The following FHL1 variants were observed in gnomAD, a reference collection of about 807,000 sequenced individuals.
FHL1 encodes four and a half LIM domains 1.
Under a neutral mutation model 20.3 loss-of-function variants are expected in FHL1, and 1 was observed. That is an observed-to-expected ratio of 0.05 (90% CI 0.02 to 0.23). The LOEUF (loss-of-function observed/expected upper bound fraction) is 0.23. FHL1 is among the 10% of genes least tolerant of loss of function. The pLI, the probability that FHL1 is intolerant of heterozygous loss-of-function variation, is 1.00. For synonymous variants in FHL1, 82 were observed against 88.9 expected, an observed-to-expected ratio of 0.92 and a Z score of 0.44; for missense variants, 177 against 234.0, an observed-to-expected ratio of 0.76 and a Z score of 1.59.
chrX:136,197,426 G>A (rs942530608), intron 1 of FHL1, among the ~76,000 whole-genome samples: 2 of 111,721 alleles, frequency 1.8e-5, no homozygotes, highest in Admixed American at 1.9e-4. Context: ...AGAGATTGTG[G>A]GAGGAAAGGT....
chrX:136,191,147 A>G (rs1278572631), intron 2 of FHL1, among the ~76,000 whole-genome samples: 3 of 111,808 alleles, frequency 2.7e-5, no homozygotes, highest in African/African-American at 9.8e-5. Flanking sequence ...TTCACAAAAC[A>G]GTGCCTGTCC....
intron 5 of FHL1, chrX:136,209,548 C>A: frequency 1.2e-6 from 1 of 836,047 alleles, no homozygotes. Flanking sequence ...GAGGTCGGTG[C>A]GCGTCACAGG....
intron 2 of FHL1, among the ~76,000 whole-genome samples, chrX:136,171,605 C>A (rs1266150671): frequency 8.9e-6 from 1 of 112,588 alleles, no homozygotes; most frequent in Non-Finnish European, 1.9e-5. Context: ...TTAGTAATTC[C>A]ATAGCAATCT....
chrX:136,209,732 G>A, intron 5 of FHL1, 139 bp from the exon 6 acceptor site: 1 of 716,747 alleles, frequency 1.4e-6, no homozygotes, highest in Non-Finnish European at 2.1e-6. Flanking sequence ...TGGGAGCCAG[G>A]CAGACCTGGC....
intron 2 of FHL1, among the ~76,000 whole-genome samples, chrX:136,187,746 T>C (rs1278201700): frequency 8.9e-6 from 1 of 111,804 alleles, no homozygotes; most frequent in African/African-American, 3.3e-5. Context: ...AGGATTTCTT[T>C]GGGGGTGATG....
intron 1 of FHL1, among the ~76,000 whole-genome samples, chrX:136,160,470 A>G (rs2072536784): frequency 9.0e-6 from 1 of 111,505 alleles, no homozygotes. Context: ...GCTCTGTCAC[A>G]CAGGCTGGAA....
rs1556630646 is a variant in FHL1 at position 136,147,620 on chromosome X, C to A, written c.-109C>A. 4.6e-5 allele frequency: 5 copies of A among 108,448 alleles called. No individual in the cohort carries two copies. Among genetic ancestry groups the A allele is most frequent in the Admixed American group, 3.9e-4 (4 of 10,373 alleles). The allele number at this position is 108,448 out of a possible 1,213,427, so 8.9% of individuals were successfully genotyped here. On this transcript the variant is annotated 5_prime_UTR_variant, in exon 1 of 8. Transcript: ENST00000394155. ...CCGAGACAGCTGCGCGGGCGAGCAT[C>A]CCCACGCAGTAAGCCCGCTTTCTTT...
chrX:136,159,138 T>TAAAAAAA (rs112840298), intron 1 of FHL1, among the ~76,000 whole-genome samples: 1 of 92,665 alleles, frequency 1.1e-5, no homozygotes, highest in African/African-American at 4.0e-5. Context: ...CTAAAACTGC[T>TAAAAAAA]AAAAAAAAAA....
At chrX:136,150,855 T>C (rs2072246946) in intron 1 of FHL1, among the ~76,000 whole-genome samples, 1 of 112,242 alleles carries the variant, frequency 8.9e-6, no homozygotes, top group Admixed American at 9.5e-5. Context: ...AAAGATTTCT[T>C]GATGTTTACA....
intron 3 of FHL1, chrX:136,207,498 C>T: frequency 2.3e-6 from 1 of 426,956 alleles, no homozygotes; most frequent in Non-Finnish European, 4.1e-6. Flanking sequence ...GGGTGTCATT[C>T]TGGGCCAGGC....
intron 2 of FHL1, among the ~76,000 whole-genome samples, chrX:136,171,699 A>T (rs1211905457): frequency 8.9e-6 from 1 of 111,799 alleles, no homozygotes; most frequent in Non-Finnish European, 1.9e-5. Context: ...GAACATTTAA[A>T]TCGAAGTTTT....
chrX:136,201,346 C>T (rs769645681), intron 1 of FHL1, among the ~76,000 whole-genome samples: 18 of 111,776 alleles, frequency 1.6e-4, no homozygotes, highest in Non-Finnish European at 1.5e-4. Context: ...GTGGGCTGTC[C>T]GCATGCCCAG....
At chrX:136,189,469 C>G (rs1372165989) in intron 2 of FHL1, among the ~76,000 whole-genome samples, 3 of 111,734 alleles carry the variant, frequency 2.7e-5, no homozygotes, top group Non-Finnish European at 5.6e-5. Context: ...ATCCTGAGCC[C>G]TTATCTCTTT....
At chrX:136,155,287 G>A (rs1264541562) in intron 1 of FHL1, among the ~76,000 whole-genome samples, 1 of 111,963 alleles carries the variant, frequency 8.9e-6, no homozygotes, top group African/African-American at 3.2e-5. Context: ...GGCCAGGGCT[G>A]TTTTTCAGCT....
intron 1 of FHL1, 72 bp from the exon 2 acceptor site, chrX:136,206,335 C>T: frequency 2.6e-6 from 3 of 1,162,039 alleles, no homozygotes; most frequent in Non-Finnish European, 2.3e-6. Context: ...TGTGCAGGTG[C>T]CTCTGGGAGC....
At chrX:136,151,693 A>G (rs1254604387) in intron 1 of FHL1, among the ~76,000 whole-genome samples, 1 of 112,173 alleles carries the variant, frequency 8.9e-6, no homozygotes, top group Admixed American at 9.4e-5. Context: ...AGCCTGGGCG[A>G]CAGAGTGAGA....
chrX:136,204,478 G>A (rs939052293), intron 1 of FHL1, among the ~76,000 whole-genome samples: 5 of 112,349 alleles, frequency 4.5e-5, no homozygotes, highest in Admixed American at 9.4e-5. Flanking sequence ...TGTCCATTGC[G>A]TCTCTAGTTT....
At chrX:136,209,838 GTTTTC>G (rs746813826) in intron 5 of FHL1, 28 bp from the exon 6 acceptor site, 98 of 1,194,381 alleles carry the variant, frequency 8.2e-5, no homozygotes, top group Middle Eastern at 3.0e-4. Flanking sequence ...TGTTTCTCTT[GTTTTC>G]TTTTCTTTTC....
chrX:136,163,795 A>T (rs1603247190), intron 1 of FHL1, among the ~76,000 whole-genome samples: 1 of 111,624 alleles, frequency 9.0e-6, no homozygotes, highest in East Asian at 2.8e-4. Flanking sequence ...GACCCACAGC[A>T]AGTTATAGAA....
Sources: allele counts gnomAD v4.1 joint callset (sites outside exome capture counted in the v4.1 genomes callset), GRCh38; gene constraint gnomAD v4.1.1; transcripts MANE v1.5; gene names NCBI Gene and HGNC (gene_info 2026-07-23, HGNC 2026-07-21).